CEP112: variants seen among roughly 807,000 people sequenced by gnomAD.
CEP112 encodes centrosomal protein 112.
CEP112 carries 127 observed loss-of-function variants against 153.0 expected under a neutral mutation model. The ratio of observed to expected loss-of-function variants is 0.83; its 90% confidence interval spans 0.72 to 0.96. CEP112 has a LOEUF of 0.96. Among genes scored for constraint, CEP112 ranks in the 40% least tolerant of loss-of-function variants. The pLI is 0.00. For missense variants in CEP112, 1,089 were observed against 1,101.2 expected (o/e 0.99, Z 0.16); for synonymous variants, 358 against 374.4 (o/e 0.96, Z 0.51).
At chr17:65,922,212 C>G (rs2060757306) in intron 19 of CEP112, among the ~76,000 whole-genome samples, 1 of 152,010 alleles carries the variant, frequency 6.6e-6, no homozygotes, top group Non-Finnish European at 1.5e-5. Flanking sequence ...CATGGCTGTT[C>G]ACTTAATTCA....
intron 6 of CEP112, among the ~76,000 whole-genome samples, chr17:66,103,927 C>T (rs1447586565): frequency 6.6e-6 from 1 of 152,208 alleles, no homozygotes; most frequent in Non-Finnish European, 1.5e-5. Flanking sequence ...CACAGAGGAA[C>T]ATTTAGACCA....
intron 19 of CEP112, among the ~76,000 whole-genome samples, chr17:65,912,889 G>C (rs1260269754): frequency 6.6e-6 from 1 of 152,110 alleles, no homozygotes; most frequent in African/African-American, 2.4e-5. Context: ...TTTGCTTCTA[G>C]GTTGTAAAAT....
chr17:65,881,992 G>A (rs1002792094), intron 20 of CEP112, among the ~76,000 whole-genome samples: 3 of 152,224 alleles, frequency 2.0e-5, no homozygotes, highest in African/African-American at 7.2e-5. Flanking sequence ...ACTTTTGACT[G>A]TGTTCCTGCT....
chr17:66,001,168 G>C (rs2064030204), intron 17 of CEP112, among the ~76,000 whole-genome samples: 1 of 152,140 alleles, frequency 6.6e-6, no homozygotes, highest in South Asian at 2.1e-4. Context: ...AGACCTGAGG[G>C]GCTGGCACAA....
chr17:65,945,807 C>T lies in CEP112; in HGVS notation c.1872+15656G>A, dbSNP rs1433088197. On this transcript the variant is annotated intron_variant, in intron 18 of 26. Transcript: ENST00000535342. ...GATTACAGGTGCCTGCCATCATACCCGGCTAATTTTTGTATTTTTAGTAGA... is the reference window on the plus strand; with the variant it reads ...GATTACAGGTGCCTGCCATCATACCTGGCTAATTTTTGTATTTTTAGTAGA... 5.3e-5 allele frequency among the ~76,000 whole-genome samples: 8 copies of T among 152,018 alleles called. No individual in the cohort carries two copies. In the East Asian group the frequency reaches 9.6e-4, roughly 18 times the overall value.
chr17:65,884,706 CTTT>C (rs11370374), intron 20 of CEP112, among the ~76,000 whole-genome samples: 84 of 130,660 alleles, frequency 6.4e-4, no homozygotes, highest in Non-Finnish European at 9.1e-4. Flanking sequence ...TTTGTAGTTT[CTTT>C]TTTTTTTTTC....
At chr17:66,070,278 C>T (rs546083131) in intron 8 of CEP112, among the ~76,000 whole-genome samples, 1 of 152,218 alleles carries the variant, frequency 6.6e-6, no homozygotes, top group Admixed American at 6.5e-5. Context: ...CATTCTCTCC[C>T]GCACAAAAGA....
chr17:66,132,703 T>G lies in CEP112; in HGVS notation c.531A>C (p.Arg177Ser), dbSNP rs1380267299. The change falls in exon 5 of 27, where the codon AGA becomes AGC. Residue 177 changes from arginine to serine, a missense_variant. Coordinates refer to ENST00000535342, the MANE Select transcript of CEP112 (RefSeq NM_001199165.4). ...TTGGGGTAATATTTTGTCCATCTTCTCTGTGAGTTGGACTCAAGGAGTGTG... is the reference window on the plus strand; with the variant it reads ...TTGGGGTAATATTTTGTCCATCTTCGCTGTGAGTTGGACTCAAGGAGTGTG... ...VRSHSLSPTH[R>S]EDGQNITPKI... The G allele has an allele frequency of 1.2e-6, 2 of 1,613,668 alleles. No individual in the cohort carries two copies. The highest frequency in any genetic ancestry group is 2.7e-5 in the African/African-American group (2 of 74,930).
intron 20 of CEP112, among the ~76,000 whole-genome samples, chr17:65,893,806 C>G (rs2059563063): frequency 2.6e-5 from 4 of 152,092 alleles, no homozygotes; most frequent in Admixed American, 2.0e-4. Context: ...GAAAAAAGCT[C>G]AGGTGTTAAA....
At chr17:65,841,907 TACAC>T (rs970112105) in intron 21 of CEP112, among the ~76,000 whole-genome samples, 1 of 74,406 alleles carries the variant, frequency 1.3e-5, no homozygotes, top group Admixed American at 1.2e-4. Flanking sequence ...TGTACACACA[TACAC>T]ACACACACAC....
chr17:65,671,374 C>T (rs2144058346), intron 24 of CEP112, among the ~76,000 whole-genome samples: 1 of 152,258 alleles, frequency 6.6e-6, no homozygotes, highest in South Asian at 2.1e-4. Context: ...TCTACGGGAG[C>T]CCATGATGAG....
intron 24 of CEP112, among the ~76,000 whole-genome samples, chr17:65,683,470 A>G (rs544325047): frequency 6.6e-6 from 1 of 152,346 alleles, no homozygotes; most frequent in Admixed American, 6.5e-5. Context: ...CAAGACAGCA[A>G]GACAAGGTAG....
At chr17:65,943,774 A>G (rs1220499432) in intron 18 of CEP112, among the ~76,000 whole-genome samples, 2 of 152,120 alleles carry the variant, frequency 1.3e-5, no homozygotes, top group Non-Finnish European at 2.9e-5. Context: ...TGTGTTGGGT[A>G]AGTTCTCCCG....
At chr17:65,939,534 C>A (rs531273904) in intron 18 of CEP112, among the ~76,000 whole-genome samples, 1 of 152,094 alleles carries the variant, frequency 6.6e-6, no homozygotes, top group African/African-American at 2.4e-5. Context: ...GGTATAGGCA[C>A]AAGAGCTGAT....
chr17:65,884,659 T>G (rs968427346), intron 20 of CEP112, among the ~76,000 whole-genome samples: 1 of 151,992 alleles, frequency 6.6e-6, no homozygotes, highest in African/African-American at 2.4e-5. Flanking sequence ...AAACTATACA[T>G]ATTCGGAATT....
chr17:65,702,507 T>C (rs2144606367), intron 23 of CEP112, among the ~76,000 whole-genome samples: 1 of 152,308 alleles, frequency 6.6e-6, no homozygotes, highest in South Asian at 2.1e-4. Context: ...CAGACAAGAA[T>C]ATATATTGTG....
chr17:65,733,369 T>C (rs1402538054), intron 23 of CEP112, among the ~76,000 whole-genome samples: 2 of 152,154 alleles, frequency 1.3e-5, no homozygotes, highest in African/African-American at 4.8e-5. Flanking sequence ...TCTGAAATAT[T>C]GCAAGAATTA....
chr17:66,006,210 G>C (rs1403284183), intron 16 of CEP112, among the ~76,000 whole-genome samples: 1 of 152,006 alleles, frequency 6.6e-6, no homozygotes, highest in Non-Finnish European at 1.5e-5. Flanking sequence ...AGTTTGGAAG[G>C]AAACTGCCAC....
intron 17 of CEP112, among the ~76,000 whole-genome samples, chr17:66,002,526 A>G (rs1049256346): frequency 6.6e-6 from 1 of 152,212 alleles, no homozygotes; most frequent in Non-Finnish European, 1.5e-5. Context: ...AGTAGAGACC[A>G]GCATCTCTAC....
Sources: allele counts gnomAD v4.1 joint callset (sites outside exome capture counted in the v4.1 genomes callset), GRCh38; gene constraint gnomAD v4.1.1; transcripts MANE v1.5; gene names NCBI Gene and HGNC (gene_info 2026-07-23, HGNC 2026-07-21).